The following USP45 variants were observed in gnomAD, a reference collection of about 807,000 sequenced individuals.
USP45 encodes the protein ubiquitin specific peptidase 45.
A neutral mutation model predicts 95.8 loss-of-function variants in USP45; 89 were observed. The ratio of observed to expected loss-of-function variants is 0.93; its 90% CI spans 0.78 to 1.11. The LOEUF (loss-of-function observed/expected upper bound fraction) is 1.11, where lower values mean the gene tolerates loss of function less well. USP45 is among the 50% of genes least tolerant of loss of function. The pLI, the probability that USP45 is intolerant of heterozygous loss-of-function variation, is 0.00. For missense variants in USP45, 898 were observed against 942.5 expected, an observed-to-expected ratio of 0.95 and a Z score of 0.62; for synonymous variants, 281 against 316.2, an observed-to-expected ratio of 0.89 and a Z score of 1.18.
intron 1 of USP45, among the ~76,000 whole-genome samples, chr6:99,513,167 A>G (rs1800302412): frequency 6.6e-6 from 1 of 152,200 alleles, no homozygotes; most frequent in Admixed American, 6.5e-5. Context: ...CTTAAGGACT[A>G]CATCACCTCT....
chr6:99,458,996 CTTTTA>C (rs1366601215), intron 13 of USP45, among the ~76,000 whole-genome samples: 1 of 152,186 alleles, frequency 6.6e-6, no homozygotes, highest in East Asian at 1.9e-4. Flanking sequence ...ATTTTTTCAA[CTTTTA>C]TTTTAGGTTC....
intron 1 of USP45, among the ~76,000 whole-genome samples, chr6:99,512,950 T>A (rs376699915): frequency 6.6e-6 from 1 of 152,280 alleles, no homozygotes; most frequent in South Asian, 2.1e-4. Flanking sequence ...GTGTCCAGGC[T>A]GACAAGAGGC....
Position 99,488,709 on chromosome 6 carries a change from T to C in USP45, c.590A>G (p.Asn197Ser). ...CATGACTGCATTAAAAAAGCAAGTATTTCCTAAATTTGTAATTCCTCTTAC... is the reference window on the plus strand; with the variant it reads ...CATGACTGCATTAAAAAAGCAAGTACTTCCTAAATTTGTAATTCCTCTTAC... ...LSVRGITNLG[N>S]TCFFNAVMQN... is the part of the protein sequence containing the mutation. Residue 197 changes from asparagine (N) to serine (S), a missense_variant, in exon 6 of 18, where the codon AAT becomes AGT. Physicochemically the swap from Asn to Ser is conservative, Grantham distance 46. Coordinates refer to ENST00000500704, the MANE Select transcript of USP45 (RefSeq NM_001346022.3). 6.2e-7 allele frequency: 1 copy of C among 1,602,812 alleles called. No homozygotes were observed. Among genetic ancestry groups the C allele is most frequent in the Non-Finnish European group, 8.5e-7 (1 of 1,175,612 alleles).
intron 4 of USP45, 43 bp downstream of exon 4, chr6:99,507,385 G>A: frequency 8.3e-7 from 1 of 1,205,434 alleles, no homozygotes; most frequent in Non-Finnish European, 1.2e-6. Flanking sequence ...AAAATTGGGG[G>A]GCTGTGGTTA....
At chr6:99,496,399 C>T (rs376485835) in intron 5 of USP45, among the ~76,000 whole-genome samples, 1 of 151,146 alleles carries the variant, frequency 6.6e-6, no homozygotes. Flanking sequence ...CACTTACTTT[C>T]TTATTTAAAA....
chr6:99,507,605 C>T, intron 3 of USP45, 74 bp from the exon 4 acceptor site: 1 of 1,046,106 alleles, frequency 9.6e-7, no homozygotes. Flanking sequence ...TTAAATTATA[C>T]TCACACTTAT....
chr6:99,507,759 AT>A (rs1798854427), intron 3 of USP45, among the ~76,000 whole-genome samples: 2 of 152,262 alleles, frequency 1.3e-5, no homozygotes, highest in African/African-American at 2.4e-5. Context: ...GGCAAAGTTA[AT>A]TTCCCTATCA....
intron 17 of USP45, 26 bp from the exon 18 acceptor site, chr6:99,435,872 TTTAAAG>T: frequency 6.3e-7 from 1 of 1,597,848 alleles, no homozygotes; most frequent in Non-Finnish European, 8.5e-7. Context: ...GAAGTACAAT[TTTAAAG>T]TAAGTATGCT....
intron 5 of USP45, chr6:99,502,027 C>A: frequency 1.5e-6 from 2 of 1,294,344 alleles, no homozygotes; most frequent in Admixed American, 2.5e-5. Flanking sequence ...AAAGACCAAC[C>A]ATGTGATTAG....
chr6:99,437,409 A>G lies in USP45; in HGVS notation c.2161-10T>C, dbSNP rs1228048746. On this transcript the variant is annotated splice_polypyrimidine_tract_variant and intron_variant, in intron 16 of 17. Coordinates refer to ENST00000500704, the MANE Select transcript of USP45 (RefSeq NM_001346022.3). ...CTCCCACACTTGCATTCTTTTAAAC[A>G]AAGAAAAAAACCCAAATTAGTAATA... 1.9e-6 allele frequency: 3 copies of G among 1,571,700 alleles called. No homozygotes were observed. The African/African-American group carries it at 4.2e-5, about 22-fold the overall frequency.
In USP45 at chr6:99,434,084, A is replaced by G. The variant is rs1186348721; in HGVS notation, c.*1632T>C. On this transcript the variant is annotated 3_prime_UTR_variant, in exon 18 of 18. Transcript: ENST00000500704. ...TGACTTTGCAGATTAACTTAAAGAT[A>G]TATTTCTTGATTATTTCACTGTTAA... The G allele has an allele frequency of 2.6e-5, 4 of 152,354 alleles. No individual in the cohort carries two copies. In the East Asian group the frequency reaches 5.8e-4, roughly 22 times the overall value. 9.4% of individuals were successfully genotyped at this position (152,354 alleles called of 1,614,324 possible).
At chr6:99,496,134 TATTACCTCTTA>T (rs1251369730) in intron 5 of USP45, among the ~76,000 whole-genome samples, 1 of 152,066 alleles carries the variant, frequency 6.6e-6, no homozygotes, top group Admixed American at 6.5e-5. Context: ...TAGAGAACTG[TATTACCTCTTA>T]AAAAAACAGA....
intron 12 of USP45, 64 bp from the exon 13 acceptor site, chr6:99,464,811 C>A (rs1023119065): frequency 1.1e-4 from 168 of 1,485,228 alleles, no homozygotes; most frequent in Non-Finnish European, 7.9e-5. Context: ...ATGTCCTCAT[C>A]TTAAAATTTT....
At chr6:99,455,012 C>A (rs1461482123) in intron 13 of USP45, among the ~76,000 whole-genome samples, 1 of 149,166 alleles carries the variant, frequency 6.7e-6, no homozygotes, top group East Asian at 2.0e-4. Flanking sequence ...ATCACTTGAA[C>A]CTGGGAGGTG....
chr6:99,445,319 C>A (rs1782299438), intron 14 of USP45, among the ~76,000 whole-genome samples: 2 of 151,964 alleles, frequency 1.3e-5, no homozygotes, highest in Admixed American at 1.3e-4. Context: ...CCCATCTCTA[C>A]TAAAAATACA....
At chr6:99,503,658 T>C (rs1484479267) in intron 5 of USP45, 107 bp downstream of exon 5, 5 of 730,976 alleles carry the variant, frequency 6.8e-6, no homozygotes, top group African/African-American at 5.5e-5. Flanking sequence ...ATTCAAATTA[T>C]TGGCTGGGCT....
intron 16 of USP45, among the ~76,000 whole-genome samples, chr6:99,439,557 C>T (rs931997194): frequency 1.3e-5 from 2 of 152,176 alleles, no homozygotes; most frequent in African/African-American, 4.8e-5. Flanking sequence ...ATGCCTCATG[C>T]CTTACCTTTT....
intron 1 of USP45, among the ~76,000 whole-genome samples, chr6:99,514,234 C>A (rs1438704722): frequency 6.6e-6 from 1 of 152,088 alleles, no homozygotes; most frequent in Non-Finnish European, 1.5e-5. Context: ...CACGTGTAGG[C>A]TCCTTATGCG....
chr6:99,455,317 T>C (rs1314349006), intron 13 of USP45, among the ~76,000 whole-genome samples: 1 of 151,544 alleles, frequency 6.6e-6, no homozygotes. Context: ...TGGTGGCACA[T>C]GCCTGTAGTC....
Sources: gnomAD v4.1 joint callset for allele counts (sites outside exome capture counted in the v4.1 genomes callset) on GRCh38, gnomAD v4.1.1 for gene constraint, MANE v1.5 for transcripts, NCBI Gene and HGNC (gene_info 2026-07-23, HGNC 2026-07-21) for gene names.